Variants in FER1L6 observed in about 807,000 individuals in gnomAD.
FER1L6 encodes the protein fer-1-like protein 6.
Under a neutral mutation model 219.2 loss-of-function variants are expected in FER1L6, and 177 were observed. That is an observed-to-expected ratio of 0.81 (90% CI 0.71 to 0.91). The LOEUF (loss-of-function observed/expected upper bound fraction) is 0.91. FER1L6 is among the 40% of genes least tolerant of loss of function. The pLI is 0.00. For synonymous variants in FER1L6, 768 were observed against 824.3 expected, an observed-to-expected ratio of 0.93 and a Z score of 1.17; for missense variants, 2,153 against 2,259.9, an observed-to-expected ratio of 0.95 and a Z score of 0.96.
At chr8:124,116,640 C>T (rs574977568) in intron 39 of FER1L6, among the ~76,000 whole-genome samples, 20 of 152,320 alleles carry the variant, frequency 1.3e-4, no homozygotes, top group Admixed American at 3.3e-4. Context: ...TACTGTGGCC[C>T]TAACTTATTC....
chr8:123,936,480 T>C (rs200521483), intron 1 of FER1L6, among the ~76,000 whole-genome samples: 6 of 139,986 alleles, frequency 4.3e-5, no homozygotes, highest in Admixed American at 7.4e-5. Context: ...TTTTTTTTTT[T>C]TTTTTTGTAA....
intron 1 of FER1L6, among the ~76,000 whole-genome samples, chr8:123,856,240 C>CATGTGTATGAGATATATGTATATACAT (rs1816640189): frequency 1.9e-5 from 1 of 53,864 alleles, no homozygotes; most frequent in Non-Finnish European, 4.6e-5. Context: ...TATGTATATA[C>CATGTGTATGAGATATATGTATATACAT]ATGTGTATGA....
chr8:124,103,156 A>T lies in FER1L6; in HGVS notation c.5136A>T (p.Glu1712Asp). The T allele has an allele frequency of 6.2e-7, 1 of 1,613,976 alleles. No homozygotes were observed. The highest frequency in any genetic ancestry group is 8.5e-7 in the Non-Finnish European group (1 of 1,179,952). The part of the protein sequence containing the change: ...LSSDDFLGTL[E>D]MNLNSFPRAA... Reference sequence around the variant, plus strand: ...GTCATCTCTCCACAGGCACCCTGGAAATGAACCTCAACAGTTTCCCTCGAG... The same window carrying T: ...GTCATCTCTCCACAGGCACCCTGGATATGAACCTCAACAGTTTCCCTCGAG... Residue 1712 changes from glutamate to aspartate, a missense_variant, in exon 39 of 41, where the codon GAA becomes GAT. Physicochemically the swap from Glu to Asp is conservative, Grantham distance 45 (BLOSUM62 2). Coordinates refer to ENST00000522917, the MANE Select transcript of FER1L6 (RefSeq NM_001039112.2).
chr8:123,945,710 T>C (rs1001050770), intron 1 of FER1L6, among the ~76,000 whole-genome samples: 1 of 152,260 alleles, frequency 6.6e-6, no homozygotes, highest in Admixed American at 6.5e-5. Flanking sequence ...ATTAAGGTTT[T>C]TATTCTTGGA....
intron 12 of FER1L6, among the ~76,000 whole-genome samples, chr8:123,995,281 C>T (rs1817075339): frequency 6.6e-6 from 1 of 152,202 alleles, no homozygotes; most frequent in Admixed American, 6.5e-5. Context: ...TGGTGAATTT[C>T]AGCACTGAAG....
chr8:124,100,860 C>A (rs936232477), intron 37 of FER1L6, among the ~76,000 whole-genome samples: 19 of 152,180 alleles, frequency 1.2e-4, no homozygotes, highest in Admixed American at 3.9e-4. Context: ...TCTACACAAG[C>A]AATTGAAGAC....
chr8:124,081,986 TC>T (rs1324525597), intron 32 of FER1L6, among the ~76,000 whole-genome samples: 1 of 152,256 alleles, frequency 6.6e-6, no homozygotes, highest in Non-Finnish European at 1.5e-5. Flanking sequence ...TAAAAATCAG[TC>T]CTGTCTGAAA....
chr8:124,060,852 T>TTTG (rs1300794371), intron 24 of FER1L6, 143 bp downstream of exon 24: 2 of 959,248 alleles, frequency 2.1e-6, no homozygotes, highest in Non-Finnish European at 3.0e-6. Context: ...AAAATAGACT[T>TTTG]TTGTTGTTGT....
chr8:124,016,478 T>A (rs1232129480), intron 15 of FER1L6, among the ~76,000 whole-genome samples: 4 of 152,040 alleles, frequency 2.6e-5, no homozygotes, highest in East Asian at 1.9e-4. Context: ...TAAAAAAAAA[T>A]AAATATACCA....
rs367956618 is a variant in FER1L6, at chr8:124,060,284, A to G, written c.2979A>G (p.Arg993=). The change falls in exon 23 of 41, where the codon CGA becomes CGG. Residue 993 remains arginine, a synonymous_variant. Coordinates refer to ENST00000522917, the MANE Select transcript of FER1L6 (RefSeq NM_001039112.2). ...TTCGGCCGGTGCTGAGCAAATACCG[A>G]GTGGAGGTACGGGTCAGCGGAGGAG... is the stretch of plus-strand genomic sequence containing the variant. ...ANIRPVLSKY[R]VEVLFWGVRE... The G allele has an allele frequency of 8.7e-6, 14 of 1,614,034 alleles. No homozygotes were observed. In the African/African-American group the frequency reaches 1.9e-4, roughly 22 times the overall value.
chr8:124,049,973 A>C (rs1249089043), intron 22 of FER1L6, among the ~76,000 whole-genome samples: 4 of 152,188 alleles, frequency 2.6e-5, no homozygotes, highest in Non-Finnish European at 5.9e-5. Flanking sequence ...CTCAGGATGA[A>C]ATATTCTTGC....
chr8:123,867,778 G>A (rs941079582), intron 1 of FER1L6, among the ~76,000 whole-genome samples: 3 of 152,046 alleles, frequency 2.0e-5, no homozygotes, highest in African/African-American at 7.2e-5. Context: ...TATTTAAGTG[G>A]TTTTATTGAA....
Position 124,069,452 on chromosome 8 carries a change from AT to A in FER1L6, c.3812del (p.Ile1271ThrfsTer25). On this transcript the variant is annotated frameshift_variant, in exon 29 of 41. Coordinates refer to ENST00000522917, the MANE Select transcript of FER1L6 (RefSeq NM_001039112.2). LOFTEE classifies it high-confidence loss of function. ...CAAGAAGAAACCCAAAGATGATGGA[AT>A]CCCCAACCTGGCCATCTTGCAGGTA... Reference protein sequence around the residue: ...MLKKKPKDDGIPNLAILQIYD... With the variant: ...MLKKKPKDDGXPNLAILQIYD... 1 of 1,609,982 alleles carries A rather than the reference AT, an allele frequency of 6.2e-7. No individual in the cohort carries two copies. Among genetic ancestry groups the A allele is most frequent in the South Asian group, 1.1e-5 (1 of 90,274 alleles).
At chr8:124,019,604 G>C (rs979700106) in intron 16 of FER1L6, among the ~76,000 whole-genome samples, 1 of 152,174 alleles carries the variant, frequency 6.6e-6, no homozygotes, top group Non-Finnish European at 1.5e-5. Flanking sequence ...AGAACGTAGT[G>C]CTTGTCCTTG....
At chr8:124,080,899 T>C (rs1821515754) in intron 32 of FER1L6, among the ~76,000 whole-genome samples, 1 of 151,928 alleles carries the variant, frequency 6.6e-6, no homozygotes, top group Non-Finnish European at 1.5e-5. Context: ...ATGGAAGACA[T>C]ATGGATTTCT....
At chr8:123,869,157 A>C (rs1490551477) in intron 1 of FER1L6, among the ~76,000 whole-genome samples, 1 of 152,222 alleles carries the variant, frequency 6.6e-6, no homozygotes, top group East Asian at 1.9e-4. Flanking sequence ...GGATTACACT[A>C]GTTTCTTTTT....
intron 18 of FER1L6, among the ~76,000 whole-genome samples, chr8:124,034,186 C>T (rs933176120): frequency 6.6e-6 from 1 of 151,380 alleles, no homozygotes; most frequent in African/African-American, 2.4e-5. Context: ...AAATTACTGA[C>T]AGGAAATTCT....
chr8:123,935,674 C>CA (rs1170271361), intron 1 of FER1L6, among the ~76,000 whole-genome samples: 1 of 152,018 alleles, frequency 6.6e-6, no homozygotes, highest in Non-Finnish European at 1.5e-5. Context: ...AACACCCGCT[C>CA]AACACAGCTC....
intron 39 of FER1L6, among the ~76,000 whole-genome samples, chr8:124,103,583 T>A (rs761829933): frequency 5.3e-5 from 8 of 152,206 alleles, no homozygotes; most frequent in Non-Finnish European, 1.0e-4. Flanking sequence ...CATAAAGTCC[T>A]GAGTAATGTA....
Sources: allele counts gnomAD v4.1 joint callset (sites outside exome capture counted in the v4.1 genomes callset), GRCh38; gene constraint gnomAD v4.1.1; transcripts MANE v1.5; gene names NCBI Gene and HGNC (gene_info 2026-07-23, HGNC 2026-07-21).